The following DENND1B variants were observed in gnomAD, a reference collection of about 807,000 sequenced individuals.
DENND1B encodes DENN domain containing 1B.
DENND1B carries 59 observed loss-of-function variants against 90.1 expected under a neutral mutation model. The observed-to-expected ratio is 0.65, with a 90% CI of 0.53 to 0.81. The LOEUF (loss-of-function observed/expected upper bound fraction) is 0.81. DENND1B is among the 40% of genes least tolerant of loss of function. The pLI is 0.00. For missense variants in DENND1B, 862 were observed against 912.6 expected (o/e 0.94, Z 0.71); for synonymous variants, 337 against 324.6 (o/e 1.04, Z -0.41).
intron 14 of DENND1B, among the ~76,000 whole-genome samples, chr1:197,590,772 T>G (rs1675129362): frequency 6.6e-6 from 1 of 152,216 alleles, no homozygotes. Flanking sequence ...AGTACTCCTG[T>G]CTTCCTTCCT....
chr1:197,685,593 T>C (rs1657151443), intron 3 of DENND1B: 1 of 152,204 alleles, frequency 6.6e-6, no homozygotes, highest in East Asian at 1.9e-4. Context: ...AGATTTTTCT[T>C]CTACAAAAAT....
chr1:197,641,062 A>G (rs1294805018), intron 10 of DENND1B, among the ~76,000 whole-genome samples: 5 of 152,220 alleles, frequency 3.3e-5, no homozygotes, highest in Non-Finnish European at 7.3e-5. Context: ...AACCCTAGCT[A>G]ATAAATAATT....
At chr1:197,687,902 A>T (rs748497932) in intron 3 of DENND1B, among the ~76,000 whole-genome samples, 2 of 152,130 alleles carry the variant, frequency 1.3e-5, no homozygotes, top group Non-Finnish European at 2.9e-5. Context: ...ACATGACCTT[A>T]TATGTAGAAA....
intron 3 of DENND1B, among the ~76,000 whole-genome samples, chr1:197,703,386 T>C (rs1207686833): frequency 6.6e-6 from 1 of 152,088 alleles, no homozygotes; most frequent in Non-Finnish European, 1.5e-5. Context: ...TTAGGGACCC[T>C]GGAGAGCTGT....
At chr1:197,578,144 G>A (rs1460194693) in intron 15 of DENND1B, among the ~76,000 whole-genome samples, 2 of 152,098 alleles carry the variant, frequency 1.3e-5, no homozygotes, top group Non-Finnish European at 2.9e-5. Context: ...AGAGAAATAG[G>A]TTTTTGAGAT....
intron 13 of DENND1B, among the ~76,000 whole-genome samples, chr1:197,603,200 T>C (rs1676363092): frequency 6.6e-6 from 1 of 151,384 alleles, no homozygotes; most frequent in Non-Finnish European, 1.5e-5. Flanking sequence ...GTTTTAAAAA[T>C]AGTGCTGAAA....
At chr1:197,726,868 ATAG>A (rs1390167942) in intron 2 of DENND1B, among the ~76,000 whole-genome samples, 7 of 152,270 alleles carry the variant, frequency 4.6e-5, no homozygotes, top group African/African-American at 1.7e-4. Context: ...TCAAATGTTC[ATAG>A]TAAAAACTAA....
chr1:197,686,219 C>T (rs1177317089), intron 3 of DENND1B, among the ~76,000 whole-genome samples: 1 of 152,048 alleles, frequency 6.6e-6, no homozygotes, highest in African/African-American at 2.4e-5. Context: ...AATAATTCTC[C>T]TGAATAAATT....
intron 2 of DENND1B, among the ~76,000 whole-genome samples, chr1:197,715,853 ATTGT>A (rs926776536): frequency 6.6e-6 from 1 of 151,746 alleles, no homozygotes; most frequent in Non-Finnish European, 1.5e-5. Context: ...CCATATACTT[ATTGT>A]TTAATTCTGT....
At chr1:197,761,932 TA>T (rs1655104634) in intron 2 of DENND1B, 2 of 152,212 alleles carry the variant, frequency 1.3e-5, no homozygotes, top group East Asian at 1.9e-4. Context: ...AAGTTTTTTT[TA>T]AATAAAGTGC....
intron 10 of DENND1B, among the ~76,000 whole-genome samples, chr1:197,619,970 G>A (rs890317793): frequency 3.3e-5 from 5 of 151,152 alleles, no homozygotes; most frequent in African/African-American, 4.8e-5. Flanking sequence ...AAAAATATAT[G>A]ACAACTCCTT....
intron 20 of DENND1B, among the ~76,000 whole-genome samples, chr1:197,527,314 T>TG (rs887433662): frequency 4.6e-5 from 7 of 150,906 alleles, no homozygotes; most frequent in Admixed American, 6.6e-5. Context: ...TTTTTTTTGT[T>TG]TTTGTTTTTT....
intron 2 of DENND1B, among the ~76,000 whole-genome samples, chr1:197,737,839 C>A (rs1402833553): frequency 6.6e-6 from 1 of 152,182 alleles, no homozygotes; most frequent in Non-Finnish European, 1.5e-5. Context: ...TTACAATACA[C>A]ATCTCCCTTT....
At position 197,553,245 on chromosome 1, in the gene DENND1B, C is replaced by T. The variant is rs79291309; in HGVS notation, c.1150-133G>A. ...ATAACAGACTCTTGTATAAATTACA[C>T]ATATATGGTGTATATATACACACAC... is the stretch of plus-strand genomic sequence containing the variant. On this transcript the variant is annotated intron_variant, in intron 15 of 22. Coordinates refer to ENST00000620048, the MANE Select transcript of DENND1B (RefSeq NM_001195215.2). 3.4e-3 allele frequency: 2,290 copies of T among 676,708 alleles called. 38 individuals are homozygous for T. In the East Asian group the frequency reaches 0.038, roughly 11 times the overall value. 41.9% of individuals were successfully genotyped at this position (676,708 alleles called of 1,614,324 possible).
At chr1:197,727,568 A>G (rs995552151) in intron 2 of DENND1B, among the ~76,000 whole-genome samples, 2 of 151,978 alleles carry the variant, frequency 1.3e-5, no homozygotes, top group African/African-American at 4.8e-5. Context: ...AAGAAAACAT[A>G]TAATTATCAA....
At chr1:197,517,107 G>T (rs1245086947) in intron 20 of DENND1B, among the ~76,000 whole-genome samples, 1 of 151,822 alleles carries the variant, frequency 6.6e-6, no homozygotes, top group Non-Finnish European at 1.5e-5. Context: ...ACTTCTTTGT[G>T]CCCTTTGCAC....
At chr1:197,736,116 A>G (rs951511693) in intron 2 of DENND1B, 8 of 700,616 alleles carry the variant, frequency 1.1e-5, no homozygotes, top group African/African-American at 1.8e-5. Flanking sequence ...CTAAACTGGC[A>G]GATTAGATTT....
chr1:197,529,242 A>ATGTGTG (rs1160722638), intron 20 of DENND1B, among the ~76,000 whole-genome samples: 25 of 10,860 alleles, frequency 2.3e-3, no homozygotes, highest in Admixed American at 4.0e-3. Flanking sequence ...ATATATATAT[A>ATGTGTG]TGTGTGTGTG....
intron 14 of DENND1B, among the ~76,000 whole-genome samples, chr1:197,585,541 G>C (rs1674624080): frequency 6.6e-6 from 1 of 152,146 alleles, no homozygotes; most frequent in African/African-American, 2.4e-5. Context: ...ATTAACCTTT[G>C]AGTACTTTCA....
Sources: gnomAD v4.1 joint callset for allele counts (sites outside exome capture counted in the v4.1 genomes callset) on GRCh38, gnomAD v4.1.1 for gene constraint, MANE v1.5 for transcripts, NCBI Gene and HGNC (gene_info 2026-07-23, HGNC 2026-07-21) for gene names.